DPP10: variants seen among roughly 807,000 people sequenced by gnomAD.
DPP10 encodes the protein inactive dipeptidyl peptidase 10.
DPP10 carries 33 observed loss-of-function variants against 120.9 expected under a neutral mutation model. The ratio of observed to expected loss-of-function variants is 0.27; its 90% CI spans 0.21 to 0.37. The LOEUF is 0.37. Among genes scored for constraint, DPP10 ranks in the 10% least tolerant of loss-of-function variants. DPP10 has a pLI of 1.00. For synonymous variants in DPP10, 337 were observed against 326.1 expected (o/e 1.03, Z -0.36); for missense variants, 816 against 942.8 (o/e 0.87, Z 1.76).
At chr2:115,456,167 C>T (rs1353792843) in intron 3 of DPP10, among the ~76,000 whole-genome samples, 4 of 152,124 alleles carry the variant, frequency 2.6e-5, no homozygotes, top group African/African-American at 9.6e-5. Flanking sequence ...ACAGACTCTT[C>T]TCAAAAGAAG....
At chr2:114,664,917 AGAGAG>A (rs1280617781) in intron 1 of DPP10, among the ~76,000 whole-genome samples, 11 of 151,926 alleles carry the variant, frequency 7.2e-5, no homozygotes, top group African/African-American at 2.7e-4. Context: ...AAAAGATGGC[AGAGAG>A]CATCCAAAAG....
intron 5 of DPP10, among the ~76,000 whole-genome samples, chr2:115,584,236 A>G (rs1376501017): frequency 2.6e-5 from 4 of 152,236 alleles, no homozygotes; most frequent in African/African-American, 9.6e-5. Context: ...ACTCTTATAA[A>G]TGGAAAGCCA....
At chr2:115,216,053 C>T (rs1044943933) in intron 1 of DPP10, among the ~76,000 whole-genome samples, 5 of 152,042 alleles carry the variant, frequency 3.3e-5, no homozygotes, top group African/African-American at 7.2e-5. Context: ...AACTCAGAAA[C>T]AGAAGTCAAA....
intron 1 of DPP10, among the ~76,000 whole-genome samples, chr2:114,986,060 G>T (rs1356780717): frequency 1.3e-5 from 2 of 152,020 alleles, no homozygotes; most frequent in Non-Finnish European, 2.9e-5. Flanking sequence ...TCATTGAAAT[G>T]TTTGCACATA....
At chr2:115,240,500 T>G (rs961894174) in intron 1 of DPP10, among the ~76,000 whole-genome samples, 1 of 152,238 alleles carries the variant, frequency 6.6e-6, no homozygotes, top group African/African-American at 2.4e-5. Context: ...ATTCTGGATA[T>G]TAGCCTTTAG....
chr2:114,749,836 A>T (rs1237162425), intron 1 of DPP10, among the ~76,000 whole-genome samples: 1 of 152,146 alleles, frequency 6.6e-6, no homozygotes, highest in Non-Finnish European at 1.5e-5. Context: ...GCACAACTGC[A>T]ATCATTCCAA....
At chr2:115,162,278 G>A (rs1451368990) in intron 1 of DPP10, 14 of 1,541,494 alleles carry the variant, frequency 9.1e-6, no homozygotes, top group Non-Finnish European at 1.1e-5. Flanking sequence ...GAGAGGTAAA[G>A]GCTGAAGGTG....
intron 1 of DPP10, among the ~76,000 whole-genome samples, chr2:114,565,388 C>T (rs1689120072): frequency 6.6e-6 from 1 of 152,156 alleles, no homozygotes; most frequent in Non-Finnish European, 1.5e-5. Flanking sequence ...CATTGCCCAC[C>T]TGATCTGTTC....
chr2:114,823,706 A>T (rs189658032), intron 1 of DPP10, among the ~76,000 whole-genome samples: 2 of 152,348 alleles, frequency 1.3e-5, no homozygotes, highest in African/African-American at 4.8e-5. Context: ...GGAAGGAAAC[A>T]GTGTTACCAG....
intron 13 of DPP10, among the ~76,000 whole-genome samples, chr2:115,774,184 ATC>A (rs1437924266): frequency 2.7e-5 from 4 of 147,232 alleles, no homozygotes; most frequent in Non-Finnish European, 6.0e-5. Flanking sequence ...TTAATGTTGT[ATC>A]TCATTTGTCT....
At chr2:114,773,458 CT>C in intron 1 of DPP10, among the ~76,000 whole-genome samples, 1 of 149,734 alleles carries the variant, frequency 6.7e-6, no homozygotes, top group South Asian at 2.1e-4. Context: ...TCATCACGGA[CT>C]TTTAGTTTAT....
At chr2:115,281,115 T>C (rs2060139719) in intron 1 of DPP10, among the ~76,000 whole-genome samples, 1 of 152,172 alleles carries the variant, frequency 6.6e-6, no homozygotes, top group South Asian at 2.1e-4. Flanking sequence ...CTATTACATC[T>C]CCAAATTTCA....
intron 1 of DPP10, among the ~76,000 whole-genome samples, chr2:114,716,203 T>A (rs1052850319): frequency 3.9e-5 from 6 of 152,106 alleles, no homozygotes; most frequent in African/African-American, 9.7e-5. Flanking sequence ...TAAGAAATTT[T>A]AAAAAATGAA....
At chr2:114,515,251 CCTAATTTGTGATG>C (rs1684497824) in intron 1 of DPP10, among the ~76,000 whole-genome samples, 1 of 152,024 alleles carries the variant, frequency 6.6e-6, no homozygotes, top group Admixed American at 6.6e-5. Context: ...CTTTTCAGAG[CCTAATTTGTGATG>C]AGAGAATTTT....
intron 3 of DPP10, among the ~76,000 whole-genome samples, chr2:115,349,876 C>T (rs1038562017): frequency 4.6e-5 from 7 of 152,156 alleles, no homozygotes; most frequent in South Asian, 2.1e-4. Flanking sequence ...ACTCCAAAGA[C>T]ATCATTACCC....
At chr2:115,741,069 T>C (rs1318856334) in intron 9 of DPP10, among the ~76,000 whole-genome samples, 4 of 152,050 alleles carry the variant, frequency 2.6e-5, no homozygotes, top group Non-Finnish European at 5.9e-5. Flanking sequence ...AGGGTGGGGG[T>C]GAGGTCATTT....
Position 114,897,371 on chromosome 2 carries a change from G to A in DPP10, c.61-411868G>A, listed in dbSNP as rs186651130. Among the ~76,000 whole-genome samples, 11 of 152,032 alleles carry A rather than the reference G, an allele frequency of 7.2e-5. No individual in the cohort carries two copies. In the East Asian group the frequency reaches 9.7e-4, roughly 13 times the overall value. On this transcript the variant is annotated intron_variant, in intron 1 of 25. Coordinates refer to ENST00000410059, the MANE Select transcript of DPP10 (RefSeq NM_020868.6). ...GCTGTGAATCCATCTGGTCCTGGAC[G>A]TTAGACTAAAACCATAAAAACCCTA...
intron 3 of DPP10, among the ~76,000 whole-genome samples, chr2:115,451,286 G>C (rs990616058): frequency 4.0e-5 from 6 of 151,716 alleles, no homozygotes; most frequent in East Asian, 1.9e-4. Flanking sequence ...AAGGTGAAAG[G>C]GTAGAGTTTA....
At chr2:114,748,401 TTAA>T (rs1678843253) in intron 1 of DPP10, among the ~76,000 whole-genome samples, 1 of 140,670 alleles carries the variant, frequency 7.1e-6, no homozygotes. Context: ...TTTATTTATT[TTAA>T]ATTTTTTTTT....
Sources: allele counts gnomAD v4.1 joint callset (sites outside exome capture counted in the v4.1 genomes callset), GRCh38; gene constraint gnomAD v4.1.1; transcripts MANE v1.5; gene names NCBI Gene and HGNC (gene_info 2026-07-23, HGNC 2026-07-21).